The following FKBP5 variants were observed in gnomAD, a reference collection of about 807,000 sequenced individuals.
FKBP5 encodes the protein FKBP prolyl isomerase 5, also known as peptidyl-prolyl cis-trans isomerase FKBP5.
Under a neutral mutation model 50.5 loss-of-function variants are expected in FKBP5, and 23 were observed. The ratio of observed to expected loss-of-function variants is 0.46; its 90% confidence interval spans 0.33 to 0.65. FKBP5 has a LOEUF of 0.65. Ranked by LOEUF, FKBP5 falls within the 30% of genes least tolerant of loss-of-function variation. FKBP5 has a pLI of 0.02. For missense variants in FKBP5, 411 were observed against 553.1 expected (o/e 0.74, Z 2.58); for synonymous variants, 176 against 190.6 (o/e 0.92, Z 0.63).
In FKBP5 at chr6:35,642,604, T is replaced by C. The variant is rs564868331; in HGVS notation, c.105+116A>G. On this transcript the variant is annotated intron_variant, in intron 2 of 10. Transcript: ENST00000357266. ...CAAAATGAGAATCTAGCTCTAGTGT[T>C]TGGCACTTAGTAACCATCAATAAAC... is the stretch of plus-strand genomic sequence containing the variant. 1.1e-5 allele frequency: 8 copies of C among 705,490 alleles called. No homozygotes were observed. The East Asian group carries it at 2.2e-4, about 19-fold the overall frequency. The allele number at this position is 705,490 out of a possible 1,614,324, so 43.7% of individuals were successfully genotyped here.
At chr6:35,607,682 G>A (rs559200243) in intron 5 of FKBP5, 12 of 156,366 alleles carry the variant, frequency 7.7e-5, no homozygotes, top group East Asian at 1.9e-4. Context: ...CAAGGTGACC[G>A]AGAACATGAG....
At chr6:35,686,820 T>C (rs778429186) in intron 1 of FKBP5, among the ~76,000 whole-genome samples, 18 of 127,076 alleles carry the variant, frequency 1.4e-4, no homozygotes, top group Non-Finnish European at 2.5e-4. Flanking sequence ...TAATGCAATA[T>C]TTTAAGTTTT....
At chr6:35,654,959 G>A (rs1174228352) in intron 1 of FKBP5, among the ~76,000 whole-genome samples, 3 of 152,118 alleles carry the variant, frequency 2.0e-5, no homozygotes, top group Non-Finnish European at 2.9e-5. Flanking sequence ...GTTTGAGGTG[G>A]GAGGGTCGCT....
At chr6:35,595,242 T>C (rs1489411750) in intron 6 of FKBP5, among the ~76,000 whole-genome samples, 1 of 152,236 alleles carries the variant, frequency 6.6e-6, no homozygotes, top group African/African-American at 2.4e-5. Context: ...TTTCTATTTT[T>C]CTTTGTCACT....
chr6:35,642,952 A>G, intron 1 of FKBP5, 109 bp from the exon 2 acceptor site: 1 of 704,774 alleles, frequency 1.4e-6, no homozygotes, highest in South Asian at 1.8e-5. Context: ...TAGGGCCAAT[A>G]AGCTTAGATA....
At chr6:35,599,127 A>C (rs1763071456) in intron 5 of FKBP5, among the ~76,000 whole-genome samples, 1 of 151,962 alleles carries the variant, frequency 6.6e-6, no homozygotes, top group Admixed American at 6.6e-5. Context: ...TAGATCAACA[A>C]CTTGTAGAGA....
chr6:35,706,556 A>G (rs1766319673), intron 2 of FKBP5, among the ~76,000 whole-genome samples: 1 of 152,234 alleles, frequency 6.6e-6, no homozygotes, highest in African/African-American at 2.4e-5. Flanking sequence ...TTGATTTAAA[A>G]GTTTGATAAT....
rs1763661498 is a variant in FKBP5, at chr6:35,616,429, A to C, written c.508+2667T>G. On this transcript the variant is annotated intron_variant, in intron 5 of 10. Transcript: ENST00000357266. The stretch of plus-strand genomic sequence containing the variant: ...GTGAAATTCAAATAAGATCTGGAAA[A>C]CAGTTACTGGTACTACATCAATGTT... Among the ~76,000 whole-genome samples, 3 of 152,028 alleles carry C rather than the reference A, an allele frequency of 2.0e-5. No homozygotes were observed. The South Asian group carries it at 6.2e-4, about 32-fold the overall frequency.
intron 5 of FKBP5, among the ~76,000 whole-genome samples, chr6:35,615,412 A>C (rs972692159): frequency 1.3e-5 from 2 of 152,066 alleles, no homozygotes; most frequent in African/African-American, 4.8e-5. Context: ...TTTTAAGATG[A>C]GCCATGAGTG....
chr6:35,622,140 A>G (rs1448879530), intron 3 of FKBP5, among the ~76,000 whole-genome samples: 1 of 152,210 alleles, frequency 6.6e-6, no homozygotes, highest in African/African-American at 2.4e-5. Flanking sequence ...ACCATTTTTT[A>G]TTCATGACTT....
chr6:35,655,110 C>T (rs1764913258), intron 1 of FKBP5, among the ~76,000 whole-genome samples: 1 of 151,838 alleles, frequency 6.6e-6, no homozygotes. Flanking sequence ...TCAGTTGAGG[C>T]CAGGAGTTCA....
chr6:35,642,666 TA>T (rs1764526090), intron 2 of FKBP5, 53 bp downstream of exon 2: 2 of 1,399,838 alleles, frequency 1.4e-6, no homozygotes, highest in Admixed American at 3.5e-5. Flanking sequence ...AGAGATGCTA[TA>T]ATCTTTCCAG....
At chr6:35,690,958 A>T (rs78006435), upstream of FKBP5, among the ~76,000 whole-genome samples, 4 of 152,192 alleles carry the variant, frequency 2.6e-5, no homozygotes, top group East Asian at 3.9e-4. Context: ...GTGAGCCGAG[A>T]TGGCACCATT....
chr6:35,716,723 C>T (rs1036722854), intron 2 of FKBP5, among the ~76,000 whole-genome samples: 2 of 152,142 alleles, frequency 1.3e-5, no homozygotes, highest in Non-Finnish European at 2.9e-5. Flanking sequence ...GGGTCGCAAA[C>T]ATTACCCCCT....
At chr6:35,581,230 A>T in intron 8 of FKBP5, 2 of 921,882 alleles carry the variant, frequency 2.2e-6, no homozygotes, top group Non-Finnish European at 2.6e-6. Context: ...TACATCAGAA[A>T]GGTCTGTCAG....
intron 8 of FKBP5, chr6:35,581,274 A>AAT (rs1014641693): frequency 1.7e-4 from 73 of 435,580 alleles, no homozygotes; most frequent in Admixed American, 2.0e-4. Flanking sequence ...AAACATATAT[A>AAT]ATATATATAT....
At chr6:35,614,877 C>T (rs994404582) in intron 5 of FKBP5, among the ~76,000 whole-genome samples, 1 of 152,012 alleles carries the variant, frequency 6.6e-6, no homozygotes, top group Non-Finnish European at 1.5e-5. Flanking sequence ...GTAATTCCAG[C>T]ACTTTGGGAG....
At chr6:35,622,976 C>A (rs1285436885) in intron 3 of FKBP5, among the ~76,000 whole-genome samples, 3 of 152,234 alleles carry the variant, frequency 2.0e-5, no homozygotes, top group Admixed American at 2.0e-4. Flanking sequence ...GGCGTGGTGG[C>A]TCACGCCTGT....
intron 8 of FKBP5, chr6:35,583,382 G>A (rs1207236364): frequency 2.0e-6 from 2 of 985,258 alleles, no homozygotes; most frequent in Non-Finnish European, 2.4e-6. Context: ...AGAAGGCCAT[G>A]GTAAAACAAA....
Sources: allele counts gnomAD v4.1 joint callset (sites outside exome capture counted in the v4.1 genomes callset), GRCh38; gene constraint gnomAD v4.1.1; transcripts MANE v1.5; gene names NCBI Gene and HGNC (gene_info 2026-07-23, HGNC 2026-07-21).